ARAP2: variants seen among roughly 807,000 people sequenced by gnomAD.
The protein encoded by ARAP2 is arf-GAP with Rho-GAP domain, ANK repeat and PH domain-containing protein 2.
A neutral mutation model predicts 194.5 loss-of-function variants in ARAP2; 148 were observed. The ratio of observed to expected loss-of-function variants is 0.76; its 90% CI spans 0.67 to 0.87. ARAP2 has a LOEUF of 0.87. ARAP2 is among the 40% of genes least tolerant of loss of function. ARAP2 has a pLI of 0.00. For missense variants in ARAP2, 2,128 were observed against 1,989.7 expected, an observed-to-expected ratio of 1.07 and a Z score of -1.32; for synonymous variants, 695 against 683.5, an observed-to-expected ratio of 1.02 and a Z score of -0.26.
At position 36,121,234 on chromosome 4, in the gene ARAP2, CT is replaced by C; in HGVS notation, c.3838del (p.Ser1280ValfsTer4). 2 of 1,606,928 alleles carry C rather than the reference CT, an allele frequency of 1.2e-6. No individual in the cohort carries two copies. Among genetic ancestry groups the C allele is most frequent in the Non-Finnish European group, 1.7e-6 (2 of 1,175,864 alleles). On this transcript the variant is annotated frameshift_variant, in exon 23 of 33. Transcript: ENST00000303965. LOFTEE classifies it high-confidence loss of function. ...GTCCTCAATTACATTCACTTCTTCA[CT>C]AGTTTGTCCCTTCGTTTGAAACAAA... ...SCLFQTKGQTSEEVNVIEDLI... is the reference protein window; with the variant it reads ...SCLFQTKGQTXEEVNVIEDLI...
chr4:36,105,700 C>T (rs977757639), intron 27 of ARAP2, among the ~76,000 whole-genome samples: 17 of 151,928 alleles, frequency 1.1e-4, no homozygotes, highest in African/African-American at 3.9e-4. Context: ...GGGTTGTTTG[C>T]CACCCACCCC....
intron 28 of ARAP2, among the ~76,000 whole-genome samples, chr4:36,085,153 A>G (rs1325156432): frequency 6.6e-6 from 1 of 152,046 alleles, no homozygotes; most frequent in Non-Finnish European, 1.5e-5. Context: ...GTCTTTTTAA[A>G]TTAAATATTC....
intron 1 of ARAP2, among the ~76,000 whole-genome samples, chr4:36,237,416 G>A (rs994214357): frequency 6.6e-6 from 1 of 152,182 alleles, no homozygotes; most frequent in Non-Finnish European, 1.5e-5. Context: ...GACCTCTGAT[G>A]TTGGAGGTGG....
At chr4:36,173,996 A>C (rs1423708754) in intron 9 of ARAP2, among the ~76,000 whole-genome samples, 1 of 152,210 alleles carries the variant, frequency 6.6e-6, no homozygotes, top group Non-Finnish European at 1.5e-5. Flanking sequence ...ACAAGGCTAC[A>C]TATAGAAGGT....
chr4:36,232,080 C>G (rs558311837), intron 1 of ARAP2, among the ~76,000 whole-genome samples: 1 of 152,200 alleles, frequency 6.6e-6, no homozygotes, highest in South Asian at 2.1e-4. Context: ...AGGAATCTCA[C>G]TAGGAAACTT....
intron 9 of ARAP2, chr4:36,012,517 C>G (rs1714753364): frequency 6.6e-6 from 1 of 152,106 alleles, no homozygotes; most frequent in African/African-American, 2.4e-5. Flanking sequence ...ATAGCTTGTC[C>G]TGCACATTTG....
chr4:36,213,308 C>T lies in ARAP2; in HGVS notation c.976G>A (p.Glu326Lys). The change falls in exon 4 of 33, where the codon GAG (glutamate) becomes AAG (lysine). Residue 326 changes from glutamate (E) to lysine (K), a missense_variant. Transcript: ENST00000303965. ...KSVAWQNSNE[E>K]NSSSIFPYGE... ...TAAGGAAAGATGGAAGATGAATTCT[C>T]CTCATTTGAATCTTTTAGGGGAATT... 1 of 1,605,056 alleles carries T rather than the reference C, an allele frequency of 6.2e-7. No individual in the cohort carries two copies.
At chr4:36,091,394 T>C (rs929701509) in intron 28 of ARAP2, among the ~76,000 whole-genome samples, 7 of 152,122 alleles carry the variant, frequency 4.6e-5, no homozygotes, top group Admixed American at 4.6e-4. Context: ...TTTAGGGAAA[T>C]AAATTAGACG....
intron 1 of ARAP2, among the ~76,000 whole-genome samples, chr4:36,240,863 T>G (rs568110914): frequency 6.6e-6 from 1 of 152,286 alleles, no homozygotes; most frequent in Non-Finnish European, 1.5e-5. Context: ...TTCCATCCAG[T>G]GAAGGCCACA....
chr4:36,147,833 A>C, intron 17 of ARAP2, 87 bp from the exon 18 acceptor site: 1 of 1,115,236 alleles, frequency 9.0e-7, no homozygotes, highest in Non-Finnish European at 1.3e-6. Flanking sequence ...AGGTAGACAA[A>C]TTATCTTAGT....
intron 9 of ARAP2, among the ~76,000 whole-genome samples, chr4:36,175,710 A>T (rs1004072333): frequency 6.6e-6 from 1 of 152,160 alleles, no homozygotes; most frequent in Non-Finnish European, 1.5e-5. Context: ...CAAGCATAAA[A>T]ATGTTTACTT....
At chr4:36,145,191 GA>G (rs1174193476) in intron 19 of ARAP2, among the ~76,000 whole-genome samples, 1 of 148,612 alleles carries the variant, frequency 6.7e-6, no homozygotes, top group East Asian at 2.0e-4. Flanking sequence ...CTATCCAAAG[GA>G]AAAAAAAATG....
chr4:36,170,415 C>T (rs1273538466), intron 9 of ARAP2, among the ~76,000 whole-genome samples: 1 of 152,180 alleles, frequency 6.6e-6, no homozygotes, highest in East Asian at 1.9e-4. Flanking sequence ...TAGTGAGACC[C>T]TGTCTCTACA....
chr4:36,223,018 A>C (rs1444371872), intron 2 of ARAP2, among the ~76,000 whole-genome samples: 1 of 151,930 alleles, frequency 6.6e-6, no homozygotes, highest in Non-Finnish European at 1.5e-5. Flanking sequence ...AGTGCTTTGG[A>C]CCAACAAGCT....
intron 28 of ARAP2, among the ~76,000 whole-genome samples, chr4:36,087,844 C>T (rs1712321129): frequency 6.6e-6 from 1 of 152,032 alleles, no homozygotes; most frequent in Non-Finnish European, 1.5e-5. Context: ...TGCATAGAGC[C>T]TTTGGAGTCT....
chr4:36,124,757 A>C, intron 22 of ARAP2, 105 bp downstream of exon 22: 1 of 617,608 alleles, frequency 1.6e-6, no homozygotes, highest in Non-Finnish European at 2.8e-6. Flanking sequence ...AGAGAGACTA[A>C]GGTGAGTTCT....
In ARAP2 at chr4:36,128,659, T is replaced by A; in HGVS notation, c.3514A>T (p.Ser1172Cys). ...TGTTTTCCAGCCCTCAATTTAAAGCTTCTTGCATCCTTTTTGAAACTCTCC... is the reference window on the plus strand; with the variant it reads ...TGTTTTCCAGCCCTCAATTTAAAGCATCTTGCATCCTTTTTGAAACTCTCC... ...LLESFKKDAR[S>C]FKLRAGKHQL... Residue 1172 changes from serine (S) to cysteine (C), a missense_variant, in exon 21 of 33, where the codon AGC becomes TGC. By Grantham distance (112) the Ser-to-Cys change is moderately radical (BLOSUM62 -1). Transcript: ENST00000303965. 6.2e-7 allele frequency: 1 copy of A among 1,612,998 alleles called. No homozygotes were observed. Among genetic ancestry groups the A allele is most frequent in the South Asian group, 1.1e-5 (1 of 91,062 alleles).
At chr4:36,177,635 T>C (rs1010186600) in intron 9 of ARAP2, among the ~76,000 whole-genome samples, 192 bp downstream of exon 9, 1 of 152,184 alleles carries the variant, frequency 6.6e-6, no homozygotes, top group Non-Finnish European at 1.5e-5. Context: ...TCAAGTTTGA[T>C]GGAGGTACTT....
chr4:36,167,852 C>T lies in ARAP2; in HGVS notation c.1858-805G>A, dbSNP rs562368876. Among the ~76,000 whole-genome samples, 41 of 152,252 alleles carry T rather than the reference C, an allele frequency of 2.7e-4. 1 individual carries two copies. The South Asian group carries it at 6.4e-3, about 24-fold the overall frequency. On this transcript the variant is annotated intron_variant, in intron 9 of 32. Coordinates refer to ENST00000303965, the MANE Select transcript of ARAP2 (RefSeq NM_015230.4). Reference sequence around the variant, plus strand: ...TAAAGTTTGCAATACATCATCTACCCACATGGATTTCAGAATGTGACTTAT... The same window carrying T: ...TAAAGTTTGCAATACATCATCTACCTACATGGATTTCAGAATGTGACTTAT...
Sources: allele counts gnomAD v4.1 joint callset (sites outside exome capture counted in the v4.1 genomes callset), GRCh38; gene constraint gnomAD v4.1.1; transcripts MANE v1.5; gene names NCBI Gene and HGNC (gene_info 2026-07-23, HGNC 2026-07-21).